GPI: variants seen among roughly 807,000 people sequenced by gnomAD.
The protein encoded by GPI is D-hexose-6-phosphate anomerase.
GPI carries 56 observed loss-of-function variants against 75.8 expected under a neutral mutation model. That is an observed-to-expected ratio of 0.74 (90% CI 0.60 to 0.92). GPI has a LOEUF of 0.92. Among genes scored for constraint, GPI ranks in the 40% least tolerant of loss-of-function variants. The probability of loss-of-function intolerance (pLI) is 0.00; values close to 1 mark genes in which losing one functional copy is unlikely to be tolerated. For synonymous variants in GPI, 288 were observed against 285.4 expected, an observed-to-expected ratio of 1.01 and a Z score of -0.09; for missense variants, 638 against 741.0, an observed-to-expected ratio of 0.86 and a Z score of 1.61.
chr19:34,380,996 C>T lies in GPI; in HGVS notation c.751-470C>T, dbSNP rs143778726. On this transcript the variant is annotated intron_variant, in intron 8 of 17. Coordinates refer to ENST00000356487, the MANE Select transcript of GPI (RefSeq NM_000175.5). ...GATGGCTCCTCAGAGCTTCCTGGTG[C>T]AGTCACCCTCCCACACATGGGAAGG... 2.4e-4 allele frequency: 68 copies of T among 286,694 alleles called. 1 individual carries two copies. Among genetic ancestry groups the T allele is most frequent in the South Asian group, 2.1e-3 (60 of 28,638 alleles). The allele number at this position is 286,694 out of a possible 1,614,324, so 17.8% of individuals were successfully genotyped here. A position where few individuals can be genotyped will look rare whatever the true frequency, so the allele number is the denominator to read the frequency against.
rs2074912473 is a variant in GPI, at chr19:34,394,187, A to C, written c.1062+121A>C. The C allele has an allele frequency of 4.2e-6, 3 of 709,742 alleles. No homozygotes were observed. In the South Asian group the frequency reaches 4.7e-5, roughly 11 times the overall value. 44.0% of individuals were successfully genotyped at this position (709,742 alleles called of 1,614,324 possible). A position where few individuals can be genotyped will look rare whatever the true frequency, so the allele number is the denominator to read the frequency against. ...GCCCCATTGCCCTTGGGCCTGGCCA[A>C]GGTCCATCTGTGCTCCTTGTCTCAG... On this transcript the variant is annotated intron_variant, in intron 12 of 17. Transcript: ENST00000356487.
intron 3 of GPI, chr19:34,367,152 CCT>C (rs1436668727): frequency 2.0e-6 from 1 of 505,930 alleles, no homozygotes; most frequent in Non-Finnish European, 3.7e-6. Context: ...TCTAATATAT[CCT>C]CAATGCAAGT....
At position 34,377,585 on chromosome 19, in the gene GPI, T is replaced by C. The variant is rs777228276; in HGVS notation, c.485T>C (p.Leu162Pro). 1.2e-6 allele frequency: 2 copies of C among 1,611,902 alleles called. No homozygotes were observed. The highest frequency in any genetic ancestry group is 1.7e-6 in the Non-Finnish European group (2 of 1,178,314). Residue 162 changes from leucine (L) to proline (P), a missense_variant and splice_region_variant, in exon 5 of 18, where the codon CTG becomes CCG. Transcript: ENST00000356487. ...AACATTGGCATTGGCGGCTCCGACC[T>C]GGTGAGGAGAAAACTGCCTTGGGGT... The part of the protein sequence containing the change: ...VINIGIGGSD[L>P]GPLMVTEALK...
chr19:34,370,048 C>T (rs2074428274), intron 4 of GPI, among the ~76,000 whole-genome samples: 1 of 152,246 alleles, frequency 6.6e-6, no homozygotes, highest in African/African-American at 2.4e-5. Context: ...GGTTGGTTTT[C>T]TCCCTGCTCC....
rs1224745342 is a variant in GPI at position 34,381,467 on chromosome 19, C to G, written c.752C>G (p.Thr251Ser). ...KHFVALSTNTTKVKEFGIDPQ... is the reference protein window; with the variant it reads ...KHFVALSTNTSKVKEFGIDPQ... ...CTCCCTTTGTTTTTTTTTTTGTAGA[C>G]CAAAGTGAAGGAGTTTGGAATTGAC... The change falls in exon 9 of 18, where the codon ACC becomes AGC. Residue 251 changes from threonine (T) to serine (S), a missense_variant and splice_region_variant. Transcript: ENST00000356487. 6.2e-7 allele frequency: 1 copy of G among 1,600,058 alleles called. No homozygotes were observed. Among genetic ancestry groups the G allele is most frequent in the Non-Finnish European group, 8.6e-7 (1 of 1,167,904 alleles).
chr19:34,379,263 G>A (rs577589339), intron 7 of GPI, among the ~76,000 whole-genome samples: 1 of 152,236 alleles, frequency 6.6e-6, no homozygotes, highest in Non-Finnish European at 1.5e-5. Context: ...GGCGCTGCAG[G>A]AACTCTTGGC....
At chr19:34,363,665 C>A (rs1215818183), upstream of GPI, among the ~76,000 whole-genome samples, 1 of 152,100 alleles carries the variant, frequency 6.6e-6, no homozygotes, top group Non-Finnish European at 1.5e-5. Flanking sequence ...ACTAAAAATA[C>A]AAAAATTAGT....
chr19:34,395,907 T>C (rs887201520), intron 12 of GPI, among the ~76,000 whole-genome samples: 3 of 151,994 alleles, frequency 2.0e-5, no homozygotes, highest in African/African-American at 7.2e-5. Flanking sequence ...TTGGGTTTTT[T>C]TTCTTTCTTT....
chr19:34,368,150 A>G (rs564033526), intron 3 of GPI, among the ~76,000 whole-genome samples: 37 of 152,260 alleles, frequency 2.4e-4, no homozygotes, highest in East Asian at 1.5e-3. Flanking sequence ...CGAATTCATG[A>G]CCTCAAGTTA....
chr19:34,366,498 T>C, intron 2 of GPI, 63 bp downstream of exon 2: 1 of 1,124,572 alleles, frequency 8.9e-7, no homozygotes, highest in Non-Finnish European at 1.4e-6. Flanking sequence ...GCTGGGCTCC[T>C]GGGAGTCCCC....
intron 1 of GPI, 154 bp downstream of exon 1, chr19:34,365,542 C>A (rs765546066): frequency 9.9e-5 from 123 of 1,241,442 alleles, no homozygotes; most frequent in Admixed American, 8.0e-5. Context: ...CGCACTTCGT[C>A]CTTGGAGTCT....
intron 4 of GPI, 93 bp from the exon 5 acceptor site, chr19:34,377,410 G>T (rs2074563131): frequency 1.2e-6 from 1 of 869,444 alleles, no homozygotes; most frequent in African/African-American, 1.7e-5. Flanking sequence ...TGAAAGCTGG[G>T]ACTGAGGTAC....
At position 34,373,073 on chromosome 19, in the gene GPI, A is replaced by AT. The variant is rs201185997; in HGVS notation, c.402+4383dup. 1.6e-3 allele frequency among the ~76,000 whole-genome samples: 228 copies of AT among 141,678 alleles called. 1 individual carries two copies. Among genetic ancestry groups the AT allele is most frequent in the Middle Eastern group, 3.6e-3 (1 of 276 alleles). 92.9% of individuals were successfully genotyped at this position (141,678 alleles called of 152,430 possible). A position where few individuals can be genotyped will look rare whatever the true frequency, so the allele number is the denominator to read the frequency against. ...AGGCGTGAGCCACCGTGCCCAGCCT[A>AT]TTTTTTTTTTTTAATTAAAAAATAA... On this transcript the variant is annotated intron_variant, in intron 4 of 17. Transcript: ENST00000356487.
intron 6 of GPI, among the ~76,000 whole-genome samples, 195 bp from the exon 7 acceptor site, chr19:34,378,739 G>A (rs185871377): frequency 1.6e-3 from 250 of 152,268 alleles, no homozygotes; most frequent in African/African-American, 5.5e-3. Flanking sequence ...GTTGGGGGGT[G>A]TGTTTACCGT....
At chr19:34,379,068 C>G in intron 7 of GPI, 63 bp downstream of exon 7, 2 of 1,367,154 alleles carry the variant, frequency 1.5e-6, no homozygotes, top group South Asian at 1.2e-5. Flanking sequence ...AGGGTGGGCC[C>G]CTGAGTGACC....
chr19:34,361,062 G>A (rs1402162705), upstream of GPI, among the ~76,000 whole-genome samples: 2 of 151,912 alleles, frequency 1.3e-5, no homozygotes, highest in African/African-American at 4.8e-5. Context: ...ACAGGTGTGA[G>A]TCACTGCACC....
At chr19:34,379,726 G>T in intron 8 of GPI, 164 bp downstream of exon 8, 2 of 745,182 alleles carry the variant, frequency 2.7e-6, no homozygotes, top group Non-Finnish European at 4.9e-6. Flanking sequence ...TGCCTTTTCC[G>T]CATTTACCCA....
chr19:34,392,872 G>T, intron 9 of GPI: 1 of 268,940 alleles, frequency 3.7e-6, no homozygotes, highest in South Asian at 2.4e-5. Flanking sequence ...TGAGGCCTGG[G>T]GTCTGTCCGT....
chr19:34,392,176 T>G (rs1371669510), intron 9 of GPI: 3 of 3,354 alleles, frequency 8.9e-4, no homozygotes, highest in Non-Finnish European at 1.9e-3. Context: ...GATCTCAGTC[T>G]GTCAATTTCT....
Sources: allele counts gnomAD v4.1 joint callset (sites outside exome capture counted in the v4.1 genomes callset), GRCh38; gene constraint gnomAD v4.1.1; transcripts MANE v1.5; gene names NCBI Gene and HGNC (gene_info 2026-07-23, HGNC 2026-07-21).